The following CCNB3 variants were observed in gnomAD, a reference collection of about 807,000 sequenced individuals.
CCNB3 encodes cyclin B3.
Under a neutral mutation model 68.0 loss-of-function variants are expected in CCNB3, and 12 were observed. The observed-to-expected ratio is 0.18, with a 90% confidence interval of 0.11 to 0.29. The LOEUF is 0.29. Among genes scored for constraint, CCNB3 ranks in the 10% least tolerant of loss-of-function variants. The probability of loss-of-function intolerance (pLI) is 1.00; values close to 1 mark genes in which losing one functional copy is unlikely to be tolerated. For synonymous variants in CCNB3, 354 were observed against 388.9 expected, an observed-to-expected ratio of 0.91 and a Z score of 1.06; for missense variants, 904 against 993.1, an observed-to-expected ratio of 0.91 and a Z score of 1.21.
At chrX:50,226,237 A>ATATATATAGAATATATATATTTC (rs1935778591) in intron 1 of CCNB3, among the ~76,000 whole-genome samples, 71 of 68,387 alleles carry the variant, frequency 1.0e-3, no homozygotes, top group Non-Finnish European at 1.6e-3. Flanking sequence ...ATATATATTT[A>ATATATATAGAATATATATATTTC]TATATATAGA....
At chrX:50,203,295 G>T (rs1190408125), upstream of CCNB3, among the ~76,000 whole-genome samples, 2 of 112,188 alleles carry the variant, frequency 1.8e-5, no homozygotes, top group African/African-American at 6.5e-5. Context: ...TAATTATCAT[G>T]AATAATGGCA....
At chrX:50,298,635 T>C (rs1343968574) in intron 5 of CCNB3, among the ~76,000 whole-genome samples, 1 of 111,728 alleles carries the variant, frequency 9.0e-6, no homozygotes, top group Non-Finnish European at 1.9e-5. Flanking sequence ...ATCAGAATGA[T>C]GCTGGCCTCA....
At chrX:50,217,329 A>AGT (rs1935590900) in intron 1 of CCNB3, among the ~76,000 whole-genome samples, 2 of 88,299 alleles carry the variant, frequency 2.3e-5, no homozygotes, top group Middle Eastern at 7.2e-3. Context: ...GCTGGAGGGC[A>AGT]GTGGCACAAT....
intron 9 of CCNB3, among the ~76,000 whole-genome samples, chrX:50,343,848 G>A (rs1923261302): frequency 8.9e-6 from 1 of 112,338 alleles, no homozygotes; most frequent in African/African-American, 3.2e-5. Context: ...GTTACAGTAA[G>A]CTAAGGTTAA....
chrX:50,337,888 G>C (rs1428143402), intron 8 of CCNB3, among the ~76,000 whole-genome samples: 2 of 112,074 alleles, frequency 1.8e-5, no homozygotes, highest in Non-Finnish European at 3.8e-5. Context: ...AGTAATCCAA[G>C]TCAAGTCAAA....
At chrX:50,228,805 T>G (rs1178659552) in intron 1 of CCNB3, among the ~76,000 whole-genome samples, 1 of 73,802 alleles carries the variant, frequency 1.4e-5, no homozygotes, top group African/African-American at 5.5e-5. Context: ...AGAATAGATA[T>G]ATAGAATATA....
chrX:50,304,891 G>A (rs1196544503), intron 5 of CCNB3, among the ~76,000 whole-genome samples: 1 of 111,987 alleles, frequency 8.9e-6, no homozygotes, highest in Non-Finnish European at 1.9e-5. Context: ...GCAGCCAAAA[G>A]ACACATGAAA....
intron 7 of CCNB3, among the ~76,000 whole-genome samples, chrX:50,313,266 A>G (rs1405235685): frequency 9.0e-6 from 1 of 111,371 alleles, no homozygotes; most frequent in East Asian, 2.8e-4. Context: ...GAGGATGGAA[A>G]CCCACCTACA....
At chrX:50,347,810 G>T in intron 11 of CCNB3, 35 bp downstream of exon 11, 1 of 1,175,203 alleles carries the variant, frequency 8.5e-7, no homozygotes, top group Non-Finnish European at 1.1e-6. Context: ...TAGGGGTAGA[G>T]ATTTAAAAAG....
chrX:50,291,250 G>A (rs1203587304), intron 4 of CCNB3, among the ~76,000 whole-genome samples: 5 of 111,791 alleles, frequency 4.5e-5, no homozygotes, highest in Middle Eastern at 4.2e-3. Context: ...ATCCATGTTT[G>A]CCTAAATGGT....
Position 50,351,320 on chromosome X carries a change from C to T in CCNB3, c.4040C>T (p.Thr1347Ile). ...GTCAGACAGCTGAACAAACTGCTGA[C>T]TTTCAGTTCTTACGATAGTCTCAAG... The part of the protein sequence containing the change: ...PLVRQLNKLL[T>I]FSSYDSLKAV... The change falls in exon 12 of 13, where the codon ACT (threonine) becomes ATT (isoleucine). Residue 1347 changes from threonine to isoleucine, a missense_variant. Physicochemically the swap from Thr to Ile is moderately conservative, Grantham distance 89. This residue lies in a region of CCNB3 where 285 missense variants were observed against 383.4 expected (regional missense o/e 0.74). Coordinates refer to ENST00000376042, the MANE Select transcript of CCNB3 (RefSeq NM_033031.3). The T allele has an allele frequency of 8.3e-7, 1 of 1,210,611 alleles. No individual in the cohort carries two copies. The highest frequency in any genetic ancestry group is 1.1e-6 in the Non-Finnish European group (1 of 894,529).
intron 1 of CCNB3, among the ~76,000 whole-genome samples, chrX:50,227,660 AAAT>A (rs1254110212): frequency 6.4e-4 from 60 of 93,154 alleles, no homozygotes; most frequent in African/African-American, 2.3e-3. Flanking sequence ...ATATATATAA[AAAT>A]ATATATAGAG....
At chrX:50,335,503 A>G (rs996250353) in intron 8 of CCNB3, among the ~76,000 whole-genome samples, 11 of 111,400 alleles carry the variant, frequency 9.9e-5, no homozygotes, top group Admixed American at 7.6e-4. Flanking sequence ...GCAAGGAACT[A>G]TAATTCCAAA....
chrX:50,295,044 A>T, intron 5 of CCNB3, 51 bp downstream of exon 5: 1 of 1,132,159 alleles, frequency 8.8e-7, no homozygotes. Context: ...AGAGTATGTG[A>T]CATCCTTTTG....
chrX:50,225,579 G>C (rs1204585235), intron 1 of CCNB3, among the ~76,000 whole-genome samples: 1 of 110,708 alleles, frequency 9.0e-6, no homozygotes, highest in African/African-American at 3.3e-5. Context: ...TGAGGCTCTT[G>C]ACAGTGAGCC....
At chrX:50,302,414 A>C (rs959294441) in intron 5 of CCNB3, among the ~76,000 whole-genome samples, 6 of 112,294 alleles carry the variant, frequency 5.3e-5, no homozygotes, top group African/African-American at 1.9e-4. Flanking sequence ...GCTCACTGTG[A>C]TCACAGAAGT....
At chrX:50,290,758 G>A (rs1455788953) in intron 4 of CCNB3, among the ~76,000 whole-genome samples, 1 of 111,443 alleles carries the variant, frequency 9.0e-6, no homozygotes, top group Non-Finnish European at 1.9e-5. Context: ...GGGCAGGGGA[G>A]CAAGGGATCT....
At position 50,305,776 on chromosome X, in the gene CCNB3, CTTTTTTTTT is replaced by C. The variant is rs146498028; in HGVS notation, c.336-2717_336-2709del. Reference sequence around the variant, plus strand: ...GATATGGGTTTTTTTTTCTTTCTTTCTTTTTTTTTTTTTTTTTTTTGACGGAGTCTTGCT... The same window carrying C: ...GATATGGGTTTTTTTTTCTTTCTTTCTTTTTTTTTTTGACGGAGTCTTGCT... On this transcript the variant is annotated intron_variant, in intron 5 of 12. Transcript: ENST00000376042. Among the ~76,000 whole-genome samples, 214 of 37,164 alleles carry C rather than the reference CTTTTTTTTT, an allele frequency of 5.8e-3. 1 individual carries two copies. The highest frequency in any genetic ancestry group is 0.016 in the African/African-American group (186 of 11,911). The allele number at this position is 37,164 out of a possible 115,157, so 32.3% of individuals were successfully genotyped here.
intron 1 of CCNB3, among the ~76,000 whole-genome samples, chrX:50,228,198 TATAA>T (rs1399027049): frequency 3.3e-5 from 3 of 92,225 alleles, no homozygotes; most frequent in Non-Finnish European, 6.2e-5. Context: ...AGAATACATA[TATAA>T]ATACTTATAC....
Sources: gnomAD v4.1 joint callset for allele counts (sites outside exome capture counted in the v4.1 genomes callset) on GRCh38, gnomAD v4.1.1 for gene constraint, gnomAD v4.1.1 regional missense constraint, MANE v1.5 for transcripts, NCBI Gene and HGNC (gene_info 2026-07-23, HGNC 2026-07-21) for gene names.